TPST1: variants seen among roughly 807,000 people sequenced by gnomAD.
TPST1 encodes tyrosylprotein sulfotransferase 1, also known as protein-tyrosine sulfotransferase 1.
A neutral mutation model predicts 34.8 loss-of-function variants in TPST1; 20 were observed. The observed-to-expected ratio is 0.57, with a 90% confidence interval of 0.40 to 0.84. TPST1 has a LOEUF of 0.84. TPST1 is among the 40% of genes least tolerant of loss of function. The probability of loss-of-function intolerance (pLI) is 0.00; values close to 1 mark genes in which losing one functional copy is unlikely to be tolerated. For synonymous variants in TPST1, 152 were observed against 159.4 expected (o/e 0.95, Z 0.35); for missense variants, 353 against 455.5 (o/e 0.78, Z 2.05).
chr7:66,319,269 C>T (rs978138599), intron 3 of TPST1, among the ~76,000 whole-genome samples: 1 of 152,112 alleles, frequency 6.6e-6, no homozygotes, highest in African/African-American at 2.4e-5. Context: ...GCCTTCTTAC[C>T]TCTATCTGCT....
intron 1 of TPST1, 58 bp from the exon 2 acceptor site, chr7:66,240,267 G>A: frequency 6.9e-6 from 6 of 865,968 alleles, no homozygotes; most frequent in Non-Finnish European, 1.0e-5. Flanking sequence ...GATAACTGGT[G>A]ACTGATTTGT....
At chr7:66,254,478 A>G (rs1194541297) in intron 2 of TPST1, among the ~76,000 whole-genome samples, 1 of 152,126 alleles carries the variant, frequency 6.6e-6, no homozygotes, top group South Asian at 2.1e-4. Flanking sequence ...ATCTCAGCTC[A>G]CTGCAACCTC....
At chr7:66,259,085 T>C (rs1193997056) in intron 2 of TPST1, among the ~76,000 whole-genome samples, 1 of 152,234 alleles carries the variant, frequency 6.6e-6, no homozygotes, top group Non-Finnish European at 1.5e-5. Flanking sequence ...ATATGTCATT[T>C]CTCTGACCAC....
intron 2 of TPST1, among the ~76,000 whole-genome samples, chr7:66,249,268 G>A (rs2115593106): frequency 6.6e-6 from 1 of 151,594 alleles, no homozygotes; most frequent in African/African-American, 2.4e-5. Flanking sequence ...TTGCCAAGAT[G>A]AAGTGTAGGG....
intron 1 of TPST1, among the ~76,000 whole-genome samples, chr7:66,232,874 A>G (rs572327586): frequency 1.5e-4 from 22 of 150,456 alleles, no homozygotes; most frequent in Non-Finnish European, 3.1e-4. Flanking sequence ...CATTTTATCA[A>G]CATTTGTTAC....
intron 3 of TPST1, among the ~76,000 whole-genome samples, chr7:66,348,557 G>A (rs1792402439): frequency 6.6e-6 from 1 of 152,132 alleles, no homozygotes; most frequent in Non-Finnish European, 1.5e-5. Context: ...GCTTGAGGTG[G>A]GAGGGTTTGT....
intron 1 of TPST1, among the ~76,000 whole-genome samples, chr7:66,227,191 C>G (rs1789677093): frequency 6.6e-6 from 1 of 151,730 alleles, no homozygotes; most frequent in Admixed American, 6.6e-5. Context: ...CGCCATGATG[C>G]CTGGCTAATT....
intron 2 of TPST1, among the ~76,000 whole-genome samples, chr7:66,277,856 T>C (rs923886197): frequency 5.3e-5 from 8 of 152,032 alleles, no homozygotes; most frequent in Non-Finnish European, 1.0e-4. Context: ...TAGAAGAATG[T>C]TGCAGAAATA....
chr7:66,309,556 G>A (rs1791489884), intron 3 of TPST1, among the ~76,000 whole-genome samples: 1 of 152,144 alleles, frequency 6.6e-6, no homozygotes, highest in South Asian at 2.1e-4. Context: ...CCCAACACAG[G>A]CAAATAAAGG....
chr7:66,255,759 G>A (rs781590146), intron 2 of TPST1, among the ~76,000 whole-genome samples: 10 of 151,944 alleles, frequency 6.6e-5, no homozygotes, highest in Non-Finnish European at 1.3e-4. Context: ...TGAAAATTGT[G>A]GATGCCTTAG....
At chr7:66,252,628 C>T (rs532492977) in intron 2 of TPST1, among the ~76,000 whole-genome samples, 8 of 152,270 alleles carry the variant, frequency 5.3e-5, no homozygotes, top group African/African-American at 1.4e-4. Flanking sequence ...CCACCGTGCC[C>T]GGCCAGTAGC....
intron 3 of TPST1, among the ~76,000 whole-genome samples, chr7:66,314,901 A>G (rs988058182): frequency 2.6e-5 from 4 of 152,344 alleles, no homozygotes; most frequent in East Asian, 3.8e-4. Context: ...CCAAAATGTC[A>G]TTATGTGGCA....
intron 1 of TPST1, among the ~76,000 whole-genome samples, chr7:66,223,346 C>G (rs988261807): frequency 6.6e-6 from 1 of 151,280 alleles, no homozygotes; most frequent in Non-Finnish European, 1.5e-5. Context: ...CCCTGCAGTC[C>G]CAGCTACTTA....
At chr7:66,273,442 A>G (rs1790742770) in intron 2 of TPST1, among the ~76,000 whole-genome samples, 1 of 152,252 alleles carries the variant, frequency 6.6e-6, no homozygotes, top group African/African-American at 2.4e-5. Flanking sequence ...ATTTATGTAG[A>G]ACTACAAAAA....
chr7:66,356,858 C>G lies in TPST1; in HGVS notation c.*16C>G, dbSNP rs186959230. 275 of 1,614,182 alleles carry G rather than the reference C, an allele frequency of 1.7e-4. 2 individuals are homozygous for G. The East Asian group carries it at 5.8e-3, about 34-fold the overall frequency. ...AGTGGAGTAGCAGAACCAGGAGCCTCTTCCATACATGAGGTGAGGGTTGGG... is the reference window on the plus strand; with the variant it reads ...AGTGGAGTAGCAGAACCAGGAGCCTGTTCCATACATGAGGTGAGGGTTGGG... On this transcript the variant is annotated 3_prime_UTR_variant, in exon 5 of 6. Coordinates refer to ENST00000304842, the MANE Select transcript of TPST1 (RefSeq NM_003596.4).
chr7:66,356,149 A>C (rs1018690444), intron 4 of TPST1, among the ~76,000 whole-genome samples: 5 of 152,232 alleles, frequency 3.3e-5, no homozygotes, highest in Non-Finnish European at 5.9e-5. Flanking sequence ...AGAAACTCAT[A>C]GAACCTTCAG....
rs574064375 is a variant in TPST1 at position 66,241,722 on chromosome 7, T to C, written c.845+452T>C. Reference sequence around the variant, plus strand: ...ATCATGTTAATGAGCACATAGTGAATTATAAGCATTTTGAAATTTTTAGTG... The same window carrying C: ...ATCATGTTAATGAGCACATAGTGAACTATAAGCATTTTGAAATTTTTAGTG... On this transcript the variant is annotated intron_variant, in intron 2 of 5. Coordinates refer to ENST00000304842, the MANE Select transcript of TPST1 (RefSeq NM_003596.4). 3.3e-5 allele frequency among the ~76,000 whole-genome samples: 5 copies of C among 152,304 alleles called. No homozygotes were observed. The East Asian group carries it at 7.7e-4, about 23-fold the overall frequency.
At chr7:66,217,237 CT>C (rs1789442205) in intron 1 of TPST1, among the ~76,000 whole-genome samples, 1 of 152,016 alleles carries the variant, frequency 6.6e-6, no homozygotes, top group African/African-American at 2.4e-5. Flanking sequence ...CTTCTATTTC[CT>C]TGCTGATATT....
At chr7:66,328,857 C>CCTCT (rs1791926285) in intron 3 of TPST1, among the ~76,000 whole-genome samples, 2 of 63,804 alleles carry the variant, frequency 3.1e-5, no homozygotes, top group Non-Finnish European at 6.6e-5. Flanking sequence ...TCTCTCTCTC[C>CCTCT]CGCTCTCTCT....
Sources: allele counts gnomAD v4.1 joint callset (sites outside exome capture counted in the v4.1 genomes callset), GRCh38; gene constraint gnomAD v4.1.1; transcripts MANE v1.5; gene names NCBI Gene and HGNC (gene_info 2026-07-23, HGNC 2026-07-21).